SLC43A2: variants seen among roughly 807,000 people sequenced by gnomAD.
SLC43A2 encodes solute carrier family 43 member 2.
In SLC43A2, 38 loss-of-function variants were observed where a neutral mutation model predicts 63.2. The ratio of observed to expected loss-of-function variants is 0.60; its 90% confidence interval spans 0.46 to 0.79. The LOEUF is 0.79. Among genes scored for constraint, SLC43A2 ranks in the 30% least tolerant of loss-of-function variants. The pLI is 0.00. For missense variants in SLC43A2, 644 were observed against 756.2 expected (o/e 0.85, Z 1.74); for synonymous variants, 322 against 331.0 (o/e 0.97, Z 0.30).
intron 1 of SLC43A2, 135 bp from the exon 2 acceptor site, chr17:1,628,055 GAAGCGA>G (rs1908854686): frequency 1.1e-6 from 1 of 914,076 alleles, no homozygotes; most frequent in Admixed American, 4.6e-5. Flanking sequence ...CGCAGCAGAG[GAAGCGA>G]ACCCCAGCCC....
At chr17:1,621,915 T>G (rs899215896) in intron 2 of SLC43A2, among the ~76,000 whole-genome samples, 2 of 152,208 alleles carry the variant, frequency 1.3e-5, no homozygotes, top group African/African-American at 4.8e-5. Context: ...AGGCTGCCCA[T>G]GTGCCGGCAA....
At chr17:1,587,005 T>C in intron 9 of SLC43A2, 2 of 1,519,684 alleles carry the variant, frequency 1.3e-6, no homozygotes, top group Non-Finnish European at 1.8e-6. Context: ...GAAGAGAGGT[T>C]AGTGGCAGAA....
In SLC43A2 at chr17:1,583,470, G is replaced by C; in HGVS notation, c.1218-134C>G. 5.5e-6 allele frequency: 8 copies of C among 1,460,578 alleles called. No homozygotes were observed. Among genetic ancestry groups the C allele is most frequent in the South Asian group, 1.3e-5 (1 of 75,842 alleles). 90.5% of individuals were successfully genotyped at this position (1,460,578 alleles called of 1,614,324 possible). On this transcript the variant is annotated intron_variant, in intron 10 of 13. Transcript: ENST00000301335. The surrounding 1 kb of genome is among the most constrained non-coding windows in gnomAD (Gnocchi z 5.5). Reference sequence around the variant, plus strand: ...AGAAGCCACCCAGGCACGTTTTAGGGACTGTGTCGGGGCTGGACCAGCACT... The same window carrying C: ...AGAAGCCACCCAGGCACGTTTTAGGCACTGTGTCGGGGCTGGACCAGCACT...
In SLC43A2 at chr17:1,575,521, G is replaced by T. The variant is rs2075910661; in HGVS notation, c.*83C>A. ...CACGGAGACGGCGAAGGTCCTGGGG[G>T]TGCGTGGGGTACTCTGGAGGGGCAG... On this transcript the variant is annotated 3_prime_UTR_variant, in exon 14 of 14. Transcript: ENST00000301335. The T allele has an allele frequency of 6.4e-7, 1 of 1,561,310 alleles. No homozygotes were observed. The highest frequency in any genetic ancestry group is 8.8e-7 in the Non-Finnish European group (1 of 1,133,348).
chr17:1,588,674 G>T (rs1904444529), intron 9 of SLC43A2, among the ~76,000 whole-genome samples: 1 of 143,394 alleles, frequency 7.0e-6, no homozygotes, highest in Non-Finnish European at 1.5e-5. Flanking sequence ...CTCCAGCCTG[G>T]GTGGCAGAGC....
At chr17:1,607,359 T>G (rs1471577707) in intron 5 of SLC43A2, among the ~76,000 whole-genome samples, 1 of 152,130 alleles carries the variant, frequency 6.6e-6, no homozygotes, top group Non-Finnish European at 1.5e-5. Context: ...CTGGGTTGTA[T>G]CAGAATGAGA....
At chr17:1,598,139 G>GAA (rs757810331) in intron 5 of SLC43A2, among the ~76,000 whole-genome samples, 1 of 152,158 alleles carries the variant, frequency 6.6e-6, no homozygotes, top group Non-Finnish European at 1.5e-5. Flanking sequence ...AAGAAAGAAA[G>GAA]GGGCCAGGCG....
At chr17:1,620,096 G>A (rs1434749100) in intron 2 of SLC43A2, among the ~76,000 whole-genome samples, 4 of 152,210 alleles carry the variant, frequency 2.6e-5, no homozygotes, top group Admixed American at 2.0e-4. Context: ...CAGGCACGGT[G>A]GCTCACGCCT....
At chr17:1,615,777 A>G (rs1438157553) in intron 3 of SLC43A2, among the ~76,000 whole-genome samples, 1 of 149,122 alleles carries the variant, frequency 6.7e-6, no homozygotes, top group Admixed American at 6.7e-5. Flanking sequence ...CGGGAGGCGG[A>G]GCTCGCAGTG....
At position 1,575,715 on chromosome 17, in the gene SLC43A2, G is replaced by A; in HGVS notation, c.1599C>T (p.Leu533=). ...GCTGGCGCCGGTAGCAGATCAGGTA[G>A]AGCGGGAGGCAGAAGCCCAGCAGGC... The part of the protein sequence containing the change: ...LLSLLGFCLP[L]YLICYRRQLE... Residue 533 remains leucine, a synonymous_variant, in exon 14 of 14, where the codon CTC becomes CTT. Coordinates refer to ENST00000301335, the MANE Select transcript of SLC43A2 (RefSeq NM_152346.3). 6.2e-7 allele frequency: 1 copy of A among 1,613,884 alleles called. No individual in the cohort carries two copies. Among genetic ancestry groups the A allele is most frequent in the Non-Finnish European group, 8.5e-7 (1 of 1,179,972 alleles).
intron 6 of SLC43A2, among the ~76,000 whole-genome samples, chr17:1,592,423 T>C (rs960180028): frequency 6.6e-6 from 1 of 152,110 alleles, no homozygotes; most frequent in Non-Finnish European, 1.5e-5. Flanking sequence ...CAAGACCCTG[T>C]TCCCCCCCAA....
intron 3 of SLC43A2, chr17:1,616,226 G>A (rs892933809): frequency 6.6e-6 from 2 of 302,014 alleles, no homozygotes; most frequent in African/African-American, 4.3e-5. Flanking sequence ...TCGTAACAAG[G>A]TTTGAGGGAA....
At chr17:1,609,423 A>G (rs940440196) in intron 5 of SLC43A2, among the ~76,000 whole-genome samples, 12 of 152,156 alleles carry the variant, frequency 7.9e-5, no homozygotes, top group Non-Finnish European at 1.6e-4. Flanking sequence ...GCTGGTCTCG[A>G]ACTCCTGACC....
chr17:1,609,923 T>C (rs1345133286), intron 5 of SLC43A2, among the ~76,000 whole-genome samples: 1 of 152,164 alleles, frequency 6.6e-6, no homozygotes, highest in Non-Finnish European at 1.5e-5. Context: ...GAATTTTTTT[T>C]TTTTAAACGG....
chr17:1,580,456 C>G (rs1366948035), intron 11 of SLC43A2, among the ~76,000 whole-genome samples: 2 of 152,366 alleles, frequency 1.3e-5, no homozygotes, highest in East Asian at 3.9e-4. Flanking sequence ...GCTCCAGGGT[C>G]TCCCAAGCCT....
Position 1,585,387 on chromosome 17 carries a change from G to A in SLC43A2, c.1217+526C>T, listed in dbSNP as rs996334785. 5.2e-5 allele frequency: 20 copies of A among 383,938 alleles called. No homozygotes were observed. The Admixed American group carries it at 6.2e-4, about 12-fold the overall frequency. The allele number at this position is 383,938 out of a possible 1,614,324, so 23.8% of individuals were successfully genotyped here. On this transcript the variant is annotated intron_variant, in intron 10 of 13. Coordinates refer to ENST00000301335, the MANE Select transcript of SLC43A2 (RefSeq NM_152346.3). ...CTCCTGAGTAGCTGGGATTACAGGCGCGCGCCGCCACCGCACCTGGCTAAT... is the reference window on the plus strand; with the variant it reads ...CTCCTGAGTAGCTGGGATTACAGGCACGCGCCGCCACCGCACCTGGCTAAT...
At position 1,605,231 on chromosome 17, in the gene SLC43A2, ACT is replaced by A. The variant is rs1267044341; in HGVS notation, c.501+7962_501+7963del. ...CCTCAGTCACACAGGGAAGCCCGTGACTCTCTCTCTTTCAGCCCCCTGGCTGC... is the reference window on the plus strand; with the variant it reads ...CCTCAGTCACACAGGGAAGCCCGTGACTCTCTCTTTCAGCCCCCTGGCTGC... On this transcript the variant is annotated intron_variant, in intron 5 of 13. Transcript: ENST00000301335. This position sits in a 1 kb window ranked among gnomAD's most constrained non-coding sequence, Gnocchi z 4.9. 2.8e-6 allele frequency: 3 copies of A among 1,068,300 alleles called. No homozygotes were observed. In the African/African-American group the frequency reaches 5.0e-5, roughly 18 times the overall value. The allele number at this position is 1,068,300 out of a possible 1,614,324, so 66.2% of individuals were successfully genotyped here.
chr17:1,575,808 C>T (rs772316942), intron 13 of SLC43A2, 43 bp from the exon 14 acceptor site: 19 of 1,559,118 alleles, frequency 1.2e-5, no homozygotes, highest in East Asian at 2.3e-5. Context: ...CGTGGTGGTG[C>T]GCCGAGGCTG....
At chr17:1,620,143 C>A (rs1375911876) in intron 2 of SLC43A2, among the ~76,000 whole-genome samples, 1 of 152,116 alleles carries the variant, frequency 6.6e-6, no homozygotes, top group East Asian at 1.9e-4. Flanking sequence ...GGCAGGCGGA[C>A]CACTTGAGGT....
Sources: allele counts gnomAD v4.1 joint callset (sites outside exome capture counted in the v4.1 genomes callset), GRCh38; gene constraint gnomAD v4.1.1; non-coding constraint Gnocchi (gnomAD v3.1); transcripts MANE v1.5; gene names NCBI Gene and HGNC (gene_info 2026-07-23, HGNC 2026-07-21).